RABGAP1L: variants seen among roughly 807,000 people sequenced by gnomAD.
RABGAP1L encodes the protein RAB GTPase activating protein 1 like.
A neutral mutation model predicts 137.7 loss-of-function variants in RABGAP1L; 63 were observed. The observed-to-expected ratio is 0.46, with a 90% CI of 0.37 to 0.56. The LOEUF (loss-of-function observed/expected upper bound fraction) is 0.56. Ranked by LOEUF, RABGAP1L falls within the 20% of genes least tolerant of loss-of-function variation. The pLI, the probability that RABGAP1L is intolerant of heterozygous loss-of-function variation, is 0.00. For missense variants in RABGAP1L, 1,095 were observed against 1,244.0 expected (o/e 0.88, Z 1.80); for synonymous variants, 431 against 433.7 (o/e 0.99, Z 0.08).
At chr1:174,312,380 T>G (rs950775511) in intron 11 of RABGAP1L, among the ~76,000 whole-genome samples, 4 of 152,242 alleles carry the variant, frequency 2.6e-5, no homozygotes, top group African/African-American at 7.2e-5. Context: ...GTTTGCCATT[T>G]GTATGTCTTT....
intron 1 of RABGAP1L, among the ~76,000 whole-genome samples, chr1:174,217,726 A>T (rs1486645071): frequency 1.3e-5 from 2 of 152,174 alleles, no homozygotes; most frequent in East Asian, 1.9e-4. Flanking sequence ...ACAGAAATAA[A>T]TGATGGCTAG....
At chr1:174,827,354 G>A (rs1691675944) in intron 19 of RABGAP1L, among the ~76,000 whole-genome samples, 1 of 152,116 alleles carries the variant, frequency 6.6e-6, no homozygotes, top group Admixed American at 6.5e-5. Context: ...TTGGATTAGA[G>A]CCCACCCTAA....
In RABGAP1L at chr1:174,854,715, C is replaced by CTTTTTTTTTTTTTTTTT. The variant is rs71117584; in HGVS notation, c.2340+42784_2340+42800dup. Among the ~76,000 whole-genome samples the CTTTTTTTTTTTTTTTTT allele has an allele frequency of 1.4e-4, 8 of 56,870 alleles. 2 individuals carry two copies. Among genetic ancestry groups the CTTTTTTTTTTTTTTTTT allele is most frequent in the East Asian group, 3.0e-4 (1 of 3,340 alleles). The allele number at this position is 56,870 out of a possible 152,430, so 37.3% of individuals were successfully genotyped here. A position where few individuals can be genotyped will look rare whatever the true frequency, so the allele number is the denominator to read the frequency against. Reference sequence around the variant, plus strand: ...AACTGCAATAGACTCAATATAAATGCTTTTTTTTTTTTTTTTTTTTTTTTT... The same window carrying CTTTTTTTTTTTTTTTTT: ...AACTGCAATAGACTCAATATAAATGCTTTTTTTTTTTTTTTTTTTTTTTTTTTTTTTTTTTTTTTTTT... On this transcript the variant is annotated intron_variant, in intron 19 of 25. Coordinates refer to ENST00000681986, the MANE Select transcript of RABGAP1L (RefSeq NM_001366446.1).
chr1:174,222,920 G>T (rs1194574466), intron 3 of RABGAP1L, among the ~76,000 whole-genome samples: 1 of 152,130 alleles, frequency 6.6e-6, no homozygotes, highest in Non-Finnish European at 1.5e-5. Context: ...CAGATCACTT[G>T]AAGTCAGGAG....
chr1:174,490,931 G>A (rs10912794), intron 13 of RABGAP1L, among the ~76,000 whole-genome samples: 18,210 of 152,034 alleles, frequency 0.12, 3,698 homozygotes, highest in African/African-American at 0.41. Flanking sequence ...AGCTTATGGT[G>A]AATGTTGCCT....
chr1:174,894,095 A>C (rs1656731661), intron 19 of RABGAP1L, among the ~76,000 whole-genome samples: 3 of 152,204 alleles, frequency 2.0e-5, no homozygotes, highest in African/African-American at 7.2e-5. Context: ...CAATTTTGAT[A>C]ATTTCGGATT....
At chr1:174,231,693 A>G (rs1047949802) in intron 4 of RABGAP1L, among the ~76,000 whole-genome samples, 3 of 152,130 alleles carry the variant, frequency 2.0e-5, no homozygotes, top group African/African-American at 7.2e-5. Context: ...AGGCCTCAGG[A>G]AACTTAAAAT....
intron 13 of RABGAP1L, among the ~76,000 whole-genome samples, chr1:174,534,089 A>G (rs1312463136): frequency 6.6e-6 from 1 of 151,178 alleles, no homozygotes; most frequent in African/African-American, 2.4e-5. Flanking sequence ...TTGACTGTGC[A>G]TAGGGCCAGT....
At chr1:174,988,542 A>T in intron 24 of RABGAP1L, 99 bp from the exon 25 acceptor site, 1 of 1,077,332 alleles carries the variant, frequency 9.3e-7, no homozygotes, top group Non-Finnish European at 1.3e-6. Flanking sequence ...GCCTGCATCT[A>T]TGACAATAAG....
At chr1:174,625,429 G>A (rs767627694) in intron 13 of RABGAP1L, among the ~76,000 whole-genome samples, 1 of 151,876 alleles carries the variant, frequency 6.6e-6, no homozygotes, top group Non-Finnish European at 1.5e-5. Context: ...TTGTGGGGTA[G>A]TGTGTGTGTG....
At chr1:174,467,698 T>C (rs1247689600) in intron 13 of RABGAP1L, among the ~76,000 whole-genome samples, 6 of 152,160 alleles carry the variant, frequency 3.9e-5, no homozygotes, top group Admixed American at 3.9e-4. Flanking sequence ...TTAAGTATCT[T>C]GGTTATCACA....
At chr1:174,622,384 G>C (rs1341080152) in intron 13 of RABGAP1L, among the ~76,000 whole-genome samples, 1 of 152,080 alleles carries the variant, frequency 6.6e-6, no homozygotes, top group Non-Finnish European at 1.5e-5. Flanking sequence ...AAATCATGAT[G>C]GTGTAAAGAC....
At chr1:174,437,283 G>A (rs76329967) in intron 13 of RABGAP1L, among the ~76,000 whole-genome samples, 31,620 of 151,876 alleles carry the variant, frequency 0.21, 3,586 homozygotes, top group Admixed American at 0.24. Context: ...GCTAAAGGAG[G>A]AAGTTCGAAC....
chr1:174,911,305 G>T (rs1402658506), intron 19 of RABGAP1L, among the ~76,000 whole-genome samples: 1 of 151,904 alleles, frequency 6.6e-6, no homozygotes, highest in Non-Finnish European at 1.5e-5. Context: ...CACTATTTTT[G>T]CTTTTTTTAA....
At chr1:174,686,366 C>T (rs1678457878) in intron 15 of RABGAP1L, among the ~76,000 whole-genome samples, 1 of 152,070 alleles carries the variant, frequency 6.6e-6, no homozygotes, top group Non-Finnish European at 1.5e-5. Context: ...TGTTATCCTT[C>T]TTTCTTTGAT....
chr1:174,957,569 C>A lies in RABGAP1L; in HGVS notation c.2433+20C>A. 3 of 1,567,874 alleles carry A rather than the reference C, an allele frequency of 1.9e-6. No homozygotes were observed. In the South Asian group the frequency reaches 3.3e-5, roughly 17 times the overall value. Reference sequence around the variant, plus strand: ...TACAAGGTATGAGAAATATGTTGCACCTATCAAAGTACCTTCTTTTTTGTT... The same window carrying A: ...TACAAGGTATGAGAAATATGTTGCAACTATCAAAGTACCTTCTTTTTTGTT... On this transcript the variant is annotated intron_variant, in intron 20 of 25. Transcript: ENST00000681986.
At chr1:174,981,823 A>G (rs1436560976) in intron 23 of RABGAP1L, among the ~76,000 whole-genome samples, 2 of 152,126 alleles carry the variant, frequency 1.3e-5, no homozygotes, top group East Asian at 1.9e-4. Context: ...TTCAGAATCA[A>G]TAAGAAGAAT....
chr1:174,416,019 C>CATACAT (rs1192968896), intron 13 of RABGAP1L, among the ~76,000 whole-genome samples: 1 of 129,050 alleles, frequency 7.7e-6, no homozygotes, highest in African/African-American at 3.7e-5. Flanking sequence ...AGAAAATTTA[C>CATACAT]ATATATATAT....
chr1:174,226,496 A>G (rs1670191408), intron 3 of RABGAP1L, among the ~76,000 whole-genome samples: 1 of 152,010 alleles, frequency 6.6e-6, no homozygotes, highest in Non-Finnish European at 1.5e-5. Flanking sequence ...ACAGTAGGAG[A>G]GATAAATTGT....
Sources: allele counts gnomAD v4.1 joint callset (sites outside exome capture counted in the v4.1 genomes callset), GRCh38; gene constraint gnomAD v4.1.1; transcripts MANE v1.5; gene names NCBI Gene and HGNC (gene_info 2026-07-23, HGNC 2026-07-21).